The following KCNA6 variants were observed in gnomAD, a reference collection of about 807,000 sequenced individuals.
KCNA6 encodes the protein human brain potassium channel-2.
In KCNA6, 17 loss-of-function variants were observed where a neutral mutation model predicts 29.5. The ratio of observed to expected loss-of-function variants is 0.58; its 90% CI spans 0.39 to 0.86. The LOEUF is 0.86. Among genes scored for constraint, KCNA6 ranks in the 40% least tolerant of loss-of-function variants. KCNA6 has a pLI of 0.00. For synonymous variants in KCNA6, 296 were observed against 304.7 expected (o/e 0.97, Z 0.30); for missense variants, 450 against 703.4 (o/e 0.64, Z 4.07).
chr12:4,835,673 G>C, the KCNA6 span, among the ~76,000 whole-genome samples: 6 of 152,174 alleles, frequency 3.9e-5, no homozygotes, highest in South Asian at 1.2e-3. Context: ...TTGCTTGTTA[G>C]GAAACTCTCT....
the KCNA6 span, among the ~76,000 whole-genome samples, chr12:4,841,568 T>C: frequency 1.3e-5 from 2 of 152,294 alleles, no homozygotes; most frequent in African/African-American, 2.4e-5. Flanking sequence ...TTAAAGATCA[T>C]GTGTGAAGTG....
At chr12:4,809,969 G>T in exon 1 of KCNA6, 1 of 1,470,328 alleles carries the variant, frequency 6.8e-7, no homozygotes, top group South Asian at 1.4e-5. Flanking sequence ...GGGAGCTGGG[G>T]AGCGGGTGCC....
chr12:4,809,995 T>A, exon 1 of KCNA6: 1 of 1,498,332 alleles, frequency 6.7e-7, no homozygotes, highest in Admixed American at 2.3e-5. Flanking sequence ...CCAGAGATTG[T>A]GTCGTGGGCG....
chr12:4,828,596 A>C, the KCNA6 span, among the ~76,000 whole-genome samples: 1 of 152,254 alleles, frequency 6.6e-6, no homozygotes, highest in African/African-American at 2.4e-5. Context: ...CACTGATAGC[A>C]GCGGACACTC....
At chr12:4,837,074 C>T in the KCNA6 span, among the ~76,000 whole-genome samples, 1 of 152,086 alleles carries the variant, frequency 6.6e-6, no homozygotes, top group Non-Finnish European at 1.5e-5. Flanking sequence ...CAATCCTGCC[C>T]CCCACAAGGG....
At chr12:4,836,987 C>T in the KCNA6 span, among the ~76,000 whole-genome samples, 1 of 152,154 alleles carries the variant, frequency 6.6e-6, no homozygotes, top group Non-Finnish European at 1.5e-5. Context: ...TTAATGATGG[C>T]TGGCAGCCCC....
the KCNA6 span, among the ~76,000 whole-genome samples, chr12:4,831,070 C>T: frequency 6.6e-6 from 1 of 152,246 alleles, no homozygotes; most frequent in African/African-American, 2.4e-5. Flanking sequence ...GGTAAGCTCT[C>T]TGCCAACAAA....
chr12:4,836,597 C>A, the KCNA6 span, among the ~76,000 whole-genome samples: 3 of 152,074 alleles, frequency 2.0e-5, no homozygotes, highest in African/African-American at 7.2e-5. Flanking sequence ...AGAAAGGGTG[C>A]AGGAAAGGCT....
At chr12:4,849,858 G>A in the KCNA6 span, among the ~76,000 whole-genome samples, 3 of 152,200 alleles carry the variant, frequency 2.0e-5, no homozygotes, top group Admixed American at 1.3e-4. Flanking sequence ...CGTTGCTTCC[G>A]TTTCACGTGC....
the KCNA6 span, among the ~76,000 whole-genome samples, chr12:4,846,708 G>C: frequency 6.7e-6 from 1 of 149,368 alleles, no homozygotes; most frequent in South Asian, 2.1e-4. Flanking sequence ...GGGCCACTCT[G>C]TCCCACTGCT....
the KCNA6 span, among the ~76,000 whole-genome samples, chr12:4,848,514 CA>C: frequency 6.1e-4 from 88 of 144,928 alleles, 1 homozygote; most frequent in East Asian, 5.0e-3. Context: ...CAGGAGGGAG[CA>C]AAAAAAAAAA....
chr12:4,815,025 T>G (rs1473174328), downstream of KCNA6, among the ~76,000 whole-genome samples: 2 of 152,220 alleles, frequency 1.3e-5, no homozygotes. Flanking sequence ...AAAAATTATC[T>G]CTTTTTCTGT....
chr12:4,843,602 A>G, the KCNA6 span, among the ~76,000 whole-genome samples: 1 of 152,200 alleles, frequency 6.6e-6, no homozygotes, highest in Non-Finnish European at 1.5e-5. Flanking sequence ...ATTTATAAGA[A>G]AAGAGGTTTA....
chr12:4,827,860 C>A, the KCNA6 span, among the ~76,000 whole-genome samples: 2 of 152,238 alleles, frequency 1.3e-5, no homozygotes, highest in Admixed American at 1.3e-4. Context: ...TGCAGCCTCA[C>A]GAAGCCTCAC....
the KCNA6 span, among the ~76,000 whole-genome samples, chr12:4,820,882 A>G: frequency 4.6e-5 from 7 of 152,020 alleles, no homozygotes; most frequent in Non-Finnish European, 8.8e-5. Context: ...GGATTCTTTA[A>G]CCTCTTAAGG....
the KCNA6 span, among the ~76,000 whole-genome samples, chr12:4,827,519 A>G: frequency 1.3e-5 from 2 of 152,172 alleles, no homozygotes; most frequent in African/African-American, 4.8e-5. Context: ...CAGATTCCAC[A>G]CTAGAGGAAG....
chr12:4,838,742 C>T, the KCNA6 span, among the ~76,000 whole-genome samples: 1 of 152,324 alleles, frequency 6.6e-6, no homozygotes, highest in African/African-American at 2.4e-5. Context: ...GGTGAGGGCT[C>T]TCTTCCTGGC....
chr12:4,835,134 A>ATTTTTTT, the KCNA6 span, among the ~76,000 whole-genome samples: 66 of 136,312 alleles, frequency 4.8e-4, no homozygotes, highest in African/African-American at 1.5e-3. Context: ...ACAGAGAATG[A>ATTTTTTT]TTTTTTTTTT....
chr12:4,832,252 T>C, the KCNA6 span, among the ~76,000 whole-genome samples: 1 of 152,078 alleles, frequency 6.6e-6, no homozygotes, highest in Non-Finnish European at 1.5e-5. Flanking sequence ...TCTGGCAATG[T>C]GAAAAAAACA....
Sources: allele counts gnomAD v4.1 joint callset (sites outside exome capture counted in the v4.1 genomes callset), GRCh38; gene constraint gnomAD v4.1.1; transcripts MANE v1.5; gene names NCBI Gene and HGNC (gene_info 2026-07-23, HGNC 2026-07-21).